Variants in ERC2 observed in about 807,000 individuals in gnomAD.
ERC2 encodes the protein ELKS/RAB6-interacting/CAST family member 2, also known as ERC protein 2.
Under a neutral mutation model 114.8 loss-of-function variants are expected in ERC2, and 42 were observed. The observed-to-expected ratio is 0.37, with a 90% confidence interval of 0.29 to 0.47. The LOEUF (loss-of-function observed/expected upper bound fraction) is 0.47, where lower values mean the gene tolerates loss of function less well. Ranked by LOEUF, ERC2 falls within the 20% of genes least tolerant of loss-of-function variation. The pLI is 0.99. For missense variants in ERC2, 939 were observed against 1,150.7 expected (o/e 0.82, Z 2.66); for synonymous variants, 454 against 425.5 (o/e 1.07, Z -0.82).
At chr3:56,098,901 A>G (rs1232748292) in intron 6 of ERC2, among the ~76,000 whole-genome samples, 2 of 152,172 alleles carry the variant, frequency 1.3e-5, no homozygotes, top group African/African-American at 4.8e-5. Flanking sequence ...TGTATCCTCC[A>G]ATCTTGAAAA....
intron 17 of ERC2, among the ~76,000 whole-genome samples, chr3:55,523,783 G>A (rs1214101262): frequency 6.6e-6 from 1 of 152,160 alleles, no homozygotes; most frequent in Non-Finnish European, 1.5e-5. Flanking sequence ...GTTCATTGAT[G>A]GTAACACACA....
chr3:56,199,779 G>A (rs1161803007), intron 3 of ERC2, among the ~76,000 whole-genome samples: 1 of 152,136 alleles, frequency 6.6e-6, no homozygotes, highest in African/African-American at 2.4e-5. Context: ...AAAGCACTGG[G>A]ATTGCAGATG....
intron 13 of ERC2, among the ~76,000 whole-genome samples, chr3:55,911,124 A>G (rs1246093905): frequency 6.6e-6 from 1 of 152,206 alleles, no homozygotes; most frequent in Non-Finnish European, 1.5e-5. Flanking sequence ...ACTCACATGC[A>G]CATACCCTGA....
At chr3:56,161,113 G>A (rs2082026530) in intron 4 of ERC2, among the ~76,000 whole-genome samples, 1 of 152,154 alleles carries the variant, frequency 6.6e-6, no homozygotes, top group Non-Finnish European at 1.5e-5. Context: ...TAGCTCACAT[G>A]AGATCTGGTT....
intron 7 of ERC2, among the ~76,000 whole-genome samples, chr3:56,075,876 C>T (rs1041105364): frequency 6.6e-6 from 1 of 152,170 alleles, no homozygotes; most frequent in Non-Finnish European, 1.5e-5. Flanking sequence ...TTTACACTAA[C>T]AGGGAAATCT....
At chr3:55,641,127 T>C (rs894284808) in intron 17 of ERC2, among the ~76,000 whole-genome samples, 1 of 152,134 alleles carries the variant, frequency 6.6e-6, no homozygotes, top group Non-Finnish European at 1.5e-5. Flanking sequence ...AGAAGTCTGC[T>C]AGAGAATGAA....
chr3:56,025,112 G>A (rs1357622823), intron 7 of ERC2, among the ~76,000 whole-genome samples: 1 of 152,116 alleles, frequency 6.6e-6, no homozygotes. Context: ...GCTTGCTTGG[G>A]GAGCATGAAT....
At chr3:55,549,775 G>A (rs2055022093) in intron 17 of ERC2, among the ~76,000 whole-genome samples, 1 of 151,946 alleles carries the variant, frequency 6.6e-6, no homozygotes, top group Admixed American at 6.5e-5. Context: ...TAATGCACAG[G>A]GCCCTGTCCT....
Position 56,296,244 on chromosome 3 carries a change from T to C in ERC2, c.849A>G (p.Thr283=), listed in dbSNP as rs778121627. 1.1e-5 allele frequency: 18 copies of C among 1,613,912 alleles called. No homozygotes were observed. The highest frequency in any genetic ancestry group is 1.4e-5 in the Non-Finnish European group (17 of 1,179,898). The change falls in exon 3 of 18, where the codon ACA becomes ACG. Residue 283 remains threonine (T), a synonymous_variant. Coordinates refer to ENST00000288221, the MANE Select transcript of ERC2 (RefSeq NM_015576.3). ...QAKELFLLRK[T]LEEMELRIET... is the part of the protein sequence containing the mutation. ...CAATTCTCAGCTCCATTTCCTCTAA[T>C]GTCTTCCTCAAAAGGAACAGCTCCT...
chr3:56,197,634 A>C (rs1021124707), intron 3 of ERC2, among the ~76,000 whole-genome samples: 16 of 152,212 alleles, frequency 1.1e-4, no homozygotes, highest in Non-Finnish European at 2.2e-4. Context: ...CTTACTATAC[A>C]TGAGAAAGGG....
intron 3 of ERC2, among the ~76,000 whole-genome samples, chr3:56,219,851 A>G (rs2049777889): frequency 6.6e-6 from 1 of 151,772 alleles, no homozygotes. Flanking sequence ...CCACAACTTT[A>G]CTCCTGATAA....
At chr3:55,687,574 G>A (rs1322537085) in intron 16 of ERC2, among the ~76,000 whole-genome samples, 1 of 152,160 alleles carries the variant, frequency 6.6e-6, no homozygotes, top group Non-Finnish European at 1.5e-5. Flanking sequence ...TCTCTGCCTG[G>A]AAGGTCCACC....
chr3:55,705,937 T>A (rs2063458544), intron 15 of ERC2, among the ~76,000 whole-genome samples: 1 of 152,138 alleles, frequency 6.6e-6, no homozygotes, highest in Non-Finnish European at 1.5e-5. Context: ...CCACACCAGA[T>A]CTTGTCTGCA....
At chr3:56,057,846 G>A (rs2076081415) in intron 7 of ERC2, among the ~76,000 whole-genome samples, 1 of 151,868 alleles carries the variant, frequency 6.6e-6, no homozygotes, top group South Asian at 2.1e-4. Flanking sequence ...TGTATTAAAA[G>A]GTGAAATACT....
chr3:56,348,960 G>T (rs1172016714), intron 2 of ERC2, among the ~76,000 whole-genome samples: 1 of 97,464 alleles, frequency 1.0e-5, no homozygotes, highest in Non-Finnish European at 2.1e-5. Flanking sequence ...AGGAAGGAAA[G>T]AAAGAAAGAA....
Position 56,403,277 on chromosome 3 carries a change from T to A in ERC2, c.657+31074A>T, listed in dbSNP as rs546323682. ...TACAATGAAAGTGAAGTCTAAACTC[T>A]TTTAAGTTCCAATAGTTTCAGTTGT... On this transcript the variant is annotated intron_variant, in intron 2 of 17. Transcript: ENST00000288221. Among the ~76,000 whole-genome samples, 10 of 152,362 alleles carry A rather than the reference T, an allele frequency of 6.6e-5. No individual in the cohort carries two copies. In the South Asian group the frequency reaches 2.1e-3, roughly 32 times the overall value.
chr3:56,216,412 C>G (rs955656524), intron 3 of ERC2, among the ~76,000 whole-genome samples: 4 of 152,136 alleles, frequency 2.6e-5, no homozygotes, highest in Non-Finnish European at 5.9e-5. Context: ...ATAAATTCCT[C>G]GACACATACA....
At chr3:55,749,087 T>G (rs111528024) in intron 14 of ERC2, among the ~76,000 whole-genome samples, 7 of 152,162 alleles carry the variant, frequency 4.6e-5, no homozygotes, top group Non-Finnish European at 8.8e-5. Context: ...ATTAACCCAG[T>G]CTGCAGAAGG....
At chr3:55,703,611 C>T (rs573495407) in intron 15 of ERC2, among the ~76,000 whole-genome samples, 1 of 152,178 alleles carries the variant, frequency 6.6e-6, no homozygotes, top group East Asian at 1.9e-4. Context: ...GTGTGGATTG[C>T]CCTTGCACTC....
Sources: allele counts gnomAD v4.1 joint callset (sites outside exome capture counted in the v4.1 genomes callset), GRCh38; gene constraint gnomAD v4.1.1; transcripts MANE v1.5; gene names NCBI Gene and HGNC (gene_info 2026-07-23, HGNC 2026-07-21).